Variants in TVP23A observed in about 807,000 individuals in gnomAD.
TVP23A encodes trans-golgi network vesicle protein 23 homolog A, also known as Golgi apparatus membrane protein TVP23 homolog A.
Under a neutral mutation model 31.7 loss-of-function variants are expected in TVP23A, and 21 were observed. The observed-to-expected ratio is 0.66, with a 90% CI of 0.47 to 0.95. The LOEUF (loss-of-function observed/expected upper bound fraction) is 0.95, where lower values mean the gene tolerates loss of function less well. Among genes scored for constraint, TVP23A ranks in the 40% least tolerant of loss-of-function variants. The probability of loss-of-function intolerance (pLI) is 0.00; values close to 1 mark genes in which losing one functional copy is unlikely to be tolerated. For synonymous variants in TVP23A, 104 were observed against 96.0 expected, an observed-to-expected ratio of 1.08 and a Z score of -0.49; for missense variants, 279 against 255.6, an observed-to-expected ratio of 1.09 and a Z score of -0.62.
At chr16:10,792,973 T>C (rs1361385677) in intron 2 of TVP23A, among the ~76,000 whole-genome samples, 1 of 152,214 alleles carries the variant, frequency 6.6e-6, no homozygotes, top group Non-Finnish European at 1.5e-5. Context: ...TCCTCTTGTT[T>C]CTGTTCTTTA....
rs969812242 is a variant in TVP23A, at chr16:10,789,665, T to TAAAAA, written c.90-14574_90-14570dup. Among the ~76,000 whole-genome samples the TAAAAA allele has an allele frequency of 5.4e-5, 3 of 55,400 alleles. No homozygotes were observed. The Admixed American group carries it at 6.6e-4, about 12-fold the overall frequency. The allele number at this position is 55,400 out of a possible 152,430, so 36.3% of individuals were successfully genotyped here. Reference sequence around the variant, plus strand: ...TCAACACGTGAAACCCCATCTCTACTAAAAAAAAAAAAAAAAAAAAAAAGC... The same window carrying TAAAAA: ...TCAACACGTGAAACCCCATCTCTACTAAAAAAAAAAAAAAAAAAAAAAAAAAAAGC... On this transcript the variant is annotated intron_variant, in intron 2 of 7. Coordinates refer to ENST00000299866, the MANE Select transcript of TVP23A (RefSeq NM_001079512.4).
chr16:10,764,898 T>C (rs1262038562), downstream of TVP23A: 1 of 173,900 alleles, frequency 5.8e-6, no homozygotes, highest in East Asian at 1.9e-4. Context: ...TGCTGGAGTA[T>C]GTCAGTCTGT....
intron 4 of TVP23A, 33 bp downstream of exon 4, chr16:10,774,006 G>A (rs199908285): frequency 5.3e-4 from 821 of 1,548,712 alleles, no homozygotes; most frequent in Middle Eastern, 1.9e-3. Flanking sequence ...CATTATCCCC[G>A]CTCTGGTTAG....
intron 2 of TVP23A, among the ~76,000 whole-genome samples, chr16:10,778,989 A>G (rs1332018635): frequency 6.6e-6 from 1 of 152,208 alleles, no homozygotes; most frequent in Non-Finnish European, 1.5e-5. Flanking sequence ...AAAAAATGTC[A>G]AAGTGTGAGC....
intron 2 of TVP23A, 29 bp from the exon 3 acceptor site, chr16:10,775,125 C>T: frequency 6.3e-7 from 1 of 1,592,022 alleles, no homozygotes; most frequent in Non-Finnish European, 8.5e-7. Flanking sequence ...GGCGCCCTCA[C>T]TCCAAGAGCT....
At chr16:10,791,088 TA>T (rs1353806135) in intron 2 of TVP23A, among the ~76,000 whole-genome samples, 2 of 152,072 alleles carry the variant, frequency 1.3e-5, no homozygotes, top group Non-Finnish European at 2.9e-5. Context: ...TTCTGGGAGA[TA>T]AAAAACTACC....
chr16:10,757,639 A>G (rs545644050), downstream of TVP23A, among the ~76,000 whole-genome samples: 2 of 152,330 alleles, frequency 1.3e-5, no homozygotes, highest in African/African-American at 2.4e-5. This position sits in a 1 kb window ranked among gnomAD's most constrained non-coding sequence, Gnocchi z 4.1. Flanking sequence ...GACTTACAGC[A>G]TAGACCAAAG....
chr16:10,775,496 T>A (rs1414336601), intron 2 of TVP23A: 38 of 1,055,220 alleles, frequency 3.6e-5, no homozygotes, highest in Non-Finnish European at 4.4e-5. Context: ...AGCTCCAAGC[T>A]CACACGCAGC....
downstream of TVP23A, among the ~76,000 whole-genome samples, chr16:10,763,170 C>T (rs574788729): frequency 8.5e-5 from 13 of 152,118 alleles, no homozygotes; most frequent in Admixed American, 3.9e-4. Context: ...TGGGGTGCTG[C>T]GGCTAAGGGG....
intron 2 of TVP23A, among the ~76,000 whole-genome samples, chr16:10,795,080 G>A (rs2033312737): frequency 6.6e-6 from 1 of 152,100 alleles, no homozygotes; most frequent in Admixed American, 6.6e-5. Context: ...AGAGAGCAAT[G>A]AAGCTGCCAG....
intron 2 of TVP23A, among the ~76,000 whole-genome samples, chr16:10,815,245 A>C (rs1224787093): frequency 6.6e-6 from 1 of 152,066 alleles, no homozygotes; most frequent in East Asian, 1.9e-4. Flanking sequence ...AAACAAAACA[A>C]AACAAAAAAC....
At chr16:10,758,122 C>G, downstream of TVP23A, 5 of 1,419,146 alleles carry the variant, frequency 3.5e-6, no homozygotes, top group Non-Finnish European at 4.8e-6. Context: ...CTCACCAAGG[C>G]TCTTCCCAGT....
In TVP23A at chr16:10,774,036, T is replaced by C. The variant is rs759032526; in HGVS notation, c.324+3A>G. The C allele has an allele frequency of 3.7e-6, 6 of 1,608,856 alleles. No homozygotes were observed. The highest frequency in any genetic ancestry group is 2.2e-5 in the South Asian group (2 of 89,738). On this transcript the variant is annotated splice_donor_region_variant and intron_variant, in intron 4 of 7. Transcript: ENST00000299866. ...GGTTAGTTCAGCTCGTCATGGAGAATACCTTCCTGGCTTCAAAGATCCAGT... is the reference window on the plus strand; with the variant it reads ...GGTTAGTTCAGCTCGTCATGGAGAACACCTTCCTGGCTTCAAAGATCCAGT...
intron 2 of TVP23A, among the ~76,000 whole-genome samples, chr16:10,785,205 G>T (rs146871432): frequency 6.6e-6 from 1 of 152,014 alleles, no homozygotes; most frequent in Admixed American, 6.6e-5. Flanking sequence ...AGGAGCTCAC[G>T]ACCAGCCTGG....
At chr16:10,784,013 T>G (rs769622325) in intron 2 of TVP23A, among the ~76,000 whole-genome samples, 4 of 152,128 alleles carry the variant, frequency 2.6e-5, no homozygotes, top group African/African-American at 4.8e-5. Flanking sequence ...GATGGAGGAC[T>G]TTTGACATTA....
chr16:10,785,721 G>T (rs1403681113), intron 2 of TVP23A, among the ~76,000 whole-genome samples: 1 of 152,170 alleles, frequency 6.6e-6, no homozygotes, highest in Non-Finnish European at 1.5e-5. Context: ...CATTGGTTGG[G>T]TCTGGAAAGG....
chr16:10,762,082 G>T, downstream of TVP23A: 1 of 481,000 alleles, frequency 2.1e-6, no homozygotes, highest in South Asian at 2.9e-5. Flanking sequence ...TCAGGCAGAG[G>T]GGTGAGGCCT....
chr16:10,795,873 C>T (rs1019470180), intron 2 of TVP23A, among the ~76,000 whole-genome samples: 4 of 151,956 alleles, frequency 2.6e-5, no homozygotes, highest in African/African-American at 9.7e-5. Flanking sequence ...AAGAACATAC[C>T]CCCTCCTTTG....
chr16:10,776,195 T>C (rs956180996), intron 2 of TVP23A, among the ~76,000 whole-genome samples: 5 of 151,406 alleles, frequency 3.3e-5, no homozygotes, highest in Admixed American at 2.0e-4. Context: ...GCCAACATGG[T>C]GAAACCCCAT....
Sources: gnomAD v4.1 joint callset for allele counts (sites outside exome capture counted in the v4.1 genomes callset) on GRCh38, gnomAD v4.1.1 for gene constraint, Gnocchi (gnomAD v3.1) non-coding constraint, MANE v1.5 for transcripts, NCBI Gene and HGNC (gene_info 2026-07-23, HGNC 2026-07-21) for gene names.